APP: variants seen among roughly 807,000 people sequenced by gnomAD.
APP encodes amyloid-beta precursor protein.
A neutral mutation model predicts 101.4 loss-of-function variants in APP; 31 were observed. The observed-to-expected ratio is 0.31, with a 90% CI of 0.23 to 0.41. The LOEUF (loss-of-function observed/expected upper bound fraction) is 0.41, where lower values mean the gene tolerates loss of function less well. Ranked by LOEUF, APP falls within the 10% of genes least tolerant of loss-of-function variation. The probability of loss-of-function intolerance (pLI) is 1.00; values close to 1 mark genes in which losing one functional copy is unlikely to be tolerated. For missense variants in APP, 839 were observed against 1,003.7 expected, an observed-to-expected ratio of 0.84 and a Z score of 2.22; for synonymous variants, 366 against 364.4, an observed-to-expected ratio of 1.00 and a Z score of -0.05.
At chr21:26,008,837 C>T (rs1886952250) in intron 6 of APP, among the ~76,000 whole-genome samples, 1 of 152,122 alleles carries the variant, frequency 6.6e-6, no homozygotes, top group Non-Finnish European at 1.5e-5. Flanking sequence ...CTGTAATATA[C>T]CAAGAACAAT....
At chr21:25,966,253 T>G (rs907886025) in intron 11 of APP, among the ~76,000 whole-genome samples, 3 of 152,228 alleles carry the variant, frequency 2.0e-5, no homozygotes, top group Non-Finnish European at 2.9e-5. Flanking sequence ...TATAAGATTT[T>G]GTTCACTAAA....
intron 1 of APP, among the ~76,000 whole-genome samples, chr21:26,155,124 G>A (rs890832398): frequency 1.3e-5 from 2 of 152,076 alleles, no homozygotes; most frequent in Non-Finnish European, 2.9e-5. Flanking sequence ...GATGGCACAC[G>A]CCTGTAATCC....
chr21:26,122,774 A>T (rs980503690), intron 1 of APP, among the ~76,000 whole-genome samples: 1 of 151,672 alleles, frequency 6.6e-6, no homozygotes, highest in Non-Finnish European at 1.5e-5. Context: ...TTTTAATAAA[A>T]TTTTTTATTT....
At chr21:26,063,089 C>T (rs552812473) in intron 3 of APP, among the ~76,000 whole-genome samples, 6 of 152,098 alleles carry the variant, frequency 3.9e-5, no homozygotes, top group East Asian at 1.9e-4. Flanking sequence ...GATACGGCTA[C>T]GCACATATAC....
At chr21:26,118,995 GAAAA>G (rs2062501139) in intron 1 of APP, among the ~76,000 whole-genome samples, 1 of 152,136 alleles carries the variant, frequency 6.6e-6, no homozygotes, top group African/African-American at 2.4e-5. Context: ...CATGCAGATA[GAAAA>G]AGGGTTAGAG....
At chr21:25,901,295 T>TCAAAA (rs1254373475) in intron 15 of APP, among the ~76,000 whole-genome samples, 25 of 75,224 alleles carry the variant, frequency 3.3e-4, no homozygotes, top group East Asian at 1.2e-3. Context: ...AAATCCTGTT[T>TCAAAA]TAAAAAAAAA....
At chr21:26,061,723 T>G (rs959339569) in intron 3 of APP, among the ~76,000 whole-genome samples, 2 of 152,204 alleles carry the variant, frequency 1.3e-5, no homozygotes, top group Non-Finnish European at 2.9e-5. Context: ...CGGATAATAG[T>G]GAGAACTGAC....
intron 8 of APP, among the ~76,000 whole-genome samples, chr21:25,987,297 GC>G (rs756031436): frequency 2.6e-5 from 4 of 152,202 alleles, no homozygotes; most frequent in Non-Finnish European, 4.4e-5. Flanking sequence ...CATGCCTTCT[GC>G]AAGCAAGCTG....
At chr21:26,139,273 C>T (rs1379134328) in intron 1 of APP, among the ~76,000 whole-genome samples, 1 of 152,172 alleles carries the variant, frequency 6.6e-6, no homozygotes, top group South Asian at 2.1e-4. Context: ...TGAGAATGTA[C>T]ATTATCGTGT....
At chr21:25,941,422 A>C (rs1336144812) in intron 13 of APP, 1 of 152,194 alleles carries the variant, frequency 6.6e-6, no homozygotes, top group African/African-American at 2.4e-5. Context: ...AATACGCAAA[A>C]TTCTCTGCTG....
chr21:25,999,280 A>G (rs921816021), intron 7 of APP, among the ~76,000 whole-genome samples: 1 of 152,202 alleles, frequency 6.6e-6, no homozygotes, highest in Non-Finnish European at 1.5e-5. Flanking sequence ...AGACAGAATG[A>G]GACCCTGTCT....
chr21:26,141,922 G>A (rs527252957), intron 1 of APP, among the ~76,000 whole-genome samples: 1 of 152,298 alleles, frequency 6.6e-6, no homozygotes, highest in South Asian at 2.1e-4. Flanking sequence ...TGCACAGGTA[G>A]CCAACACCCG....
intron 15 of APP, among the ~76,000 whole-genome samples, chr21:25,900,551 C>CTCTG (rs2038389230): frequency 1.3e-5 from 2 of 151,896 alleles, no homozygotes; most frequent in African/African-American, 4.8e-5. Flanking sequence ...CAGAATGAGA[C>CTCTG]TCTGTCTCCA....
At chr21:26,072,017 T>C (rs1402353833) in intron 3 of APP, among the ~76,000 whole-genome samples, 1 of 152,206 alleles carries the variant, frequency 6.6e-6, no homozygotes, top group East Asian at 1.9e-4. Context: ...GCCTTCGCTT[T>C]TAAGTTTCCA....
intron 1 of APP, chr21:26,169,295 C>CTGCTGCACGCAGAGG (rs1173609707): frequency 6.6e-6 from 1 of 152,382 alleles, no homozygotes; most frequent in Non-Finnish European, 1.5e-5. Context: ...GCCATCTTCT[C>CTGCTGCACGCAGAGG]CGTCTTAATC....
At chr21:26,029,541 G>T (rs1039243409) in intron 5 of APP, among the ~76,000 whole-genome samples, 1 of 152,106 alleles carries the variant, frequency 6.6e-6, no homozygotes, top group Non-Finnish European at 1.5e-5. Flanking sequence ...CGAAGTGAAT[G>T]AAGTCCAGGG....
rs538907993 is a variant in APP at position 25,903,332 on chromosome 21, C to G, written c.1963+1692G>C. Among the ~76,000 whole-genome samples the G allele has an allele frequency of 1.5e-3, 229 of 148,764 alleles. 1 individual carries two copies. The highest frequency in any genetic ancestry group is 4.0e-3 in the Admixed American group (60 of 14,952). ...TGCAGTGAGTTGAGATCGTGCCACT[C>G]CACTCCAGCCTGGGGGACACAGCGA... is the stretch of plus-strand genomic sequence containing the variant. On this transcript the variant is annotated intron_variant, in intron 15 of 17. Coordinates refer to ENST00000346798, the MANE Select transcript of APP (RefSeq NM_000484.4).
chr21:25,970,187 C>T (rs929022827), intron 11 of APP, among the ~76,000 whole-genome samples: 13 of 151,540 alleles, frequency 8.6e-5, no homozygotes, highest in African/African-American at 2.4e-4. Flanking sequence ...TGAAGCAATG[C>T]GGAGGCCCAC....
chr21:25,947,848 CAA>C (rs2040890743), intron 13 of APP, among the ~76,000 whole-genome samples: 1 of 151,434 alleles, frequency 6.6e-6, no homozygotes, highest in African/African-American at 2.4e-5. Flanking sequence ...ACTAAAAATA[CAA>C]AAAAATTAGC....
Sources: gnomAD v4.1 joint callset for allele counts (sites outside exome capture counted in the v4.1 genomes callset) on GRCh38, gnomAD v4.1.1 for gene constraint, MANE v1.5 for transcripts, NCBI Gene and HGNC (gene_info 2026-07-23, HGNC 2026-07-21) for gene names.